The following MACF1 variants were observed in gnomAD, a reference collection of about 807,000 sequenced individuals.
MACF1 encodes the protein microtubule actin crosslinking factor 1, also known as microtubule-actin cross-linking factor 1.
Under a neutral mutation model 854.8 loss-of-function variants are expected in MACF1, and 193 were observed. The ratio of observed to expected loss-of-function variants is 0.23; its 90% CI spans 0.20 to 0.25. MACF1 has a LOEUF of 0.25. MACF1 is among the 10% of genes least tolerant of loss of function. The probability of loss-of-function intolerance (pLI) is 1.00; values close to 1 mark genes in which losing one functional copy is unlikely to be tolerated. For missense variants in MACF1, 7,722 were observed against 8,929.1 expected (o/e 0.86, Z 5.45); for synonymous variants, 3,185 against 3,226.7 (o/e 0.99, Z 0.44).
intron 56 of MACF1, among the ~76,000 whole-genome samples, chr1:39,385,188 C>T (rs1225918327): frequency 6.6e-6 from 1 of 152,152 alleles, no homozygotes; most frequent in Non-Finnish European, 1.5e-5. Flanking sequence ...GTGCCTCAGC[C>T]TCCCGAGTAG....
rs813653 is a variant in MACF1, at chr1:39,460,924, A to T, written c.21523+130A>T. ...CTTGGCTCACACCTGTAATTCCAGC[A>T]CTTTGGGAGGCAGGTGGCAAAGGCA... On this transcript the variant is annotated intron_variant, in intron 92 of 100. Transcript: ENST00000564288. The surrounding 1 kb of genome is among the most constrained non-coding windows in gnomAD (Gnocchi z 4.1). 1 of 1,042,004 alleles carries T rather than the reference A, an allele frequency of 9.6e-7. No homozygotes were observed. The highest frequency in any genetic ancestry group is 1.4e-6 in the Non-Finnish European group (1 of 703,362). 64.5% of individuals were successfully genotyped at this position (1,042,004 alleles called of 1,614,324 possible).
At chr1:39,453,021 A>C (rs1644367421) in intron 87 of MACF1, among the ~76,000 whole-genome samples, 1 of 152,240 alleles carries the variant, frequency 6.6e-6, no homozygotes. Flanking sequence ...ATTCATTCTT[A>C]TAAAAGTAAT....
intron 58 of MACF1, among the ~76,000 whole-genome samples, chr1:39,400,101 T>C (rs1392610467): frequency 1.3e-5 from 2 of 152,226 alleles, no homozygotes; most frequent in African/African-American, 2.4e-5. Context: ...TTTTTCAGTA[T>C]AAGAGGGCAA....
rs147093156 is a variant in MACF1 at position 39,450,819 on chromosome 1, G to A, written c.20259-233G>A. 5.0e-3 allele frequency among the ~76,000 whole-genome samples: 761 copies of A among 151,912 alleles called. 9 individuals are homozygous for A. Among genetic ancestry groups the A allele is most frequent in the African/African-American group, 0.017 (715 of 41,414 alleles). ...GTAGAGACAGGGTTTCACCGTGTTAGCCAGGATGGTCTCGATCTCCTGACC... is the reference window on the plus strand; with the variant it reads ...GTAGAGACAGGGTTTCACCGTGTTAACCAGGATGGTCTCGATCTCCTGACC... On this transcript the variant is annotated intron_variant, in intron 84 of 100. Coordinates refer to ENST00000564288, the MANE Select transcript of MACF1 (RefSeq NM_001394062.1).
Position 39,285,196 on chromosome 1 carries a change from G to C in MACF1, c.1245G>C (p.Arg415=). Reference sequence around the variant, plus strand: ...TGCTGGAACGAGAGAAATCACTTCGGCCGGCTGTGGAGAGGTGGGTCCAGA... The same window carrying C: ...TGCTGGAACGAGAGAAATCACTTCGCCCGGCTGTGGAGAGGTGGGTCCAGA... ...IEMLEREKSL[R]PAVERLELLL... is the part of the protein sequence containing the mutation. Residue 415 remains arginine, a synonymous_variant, in exon 12 of 101, where the codon CGG becomes CGC. Coordinates refer to ENST00000564288, the MANE Select transcript of MACF1 (RefSeq NM_001394062.1). 1 of 1,614,192 alleles carries C rather than the reference G, an allele frequency of 6.2e-7. No homozygotes were observed. Among genetic ancestry groups the C allele is most frequent in the East Asian group, 2.2e-5 (1 of 44,882 alleles).
At chr1:39,346,783 T>A (rs1252924897) in intron 40 of MACF1, among the ~76,000 whole-genome samples, 194 bp from the exon 41 acceptor site, 1 of 152,166 alleles carries the variant, frequency 6.6e-6, no homozygotes, top group Non-Finnish European at 1.5e-5. Flanking sequence ...CCTCCCAAAG[T>A]GCTGGGATTA....
chr1:39,437,707 TATTCCCTA>T, intron 70 of MACF1, 62 bp from the exon 71 acceptor site: 1 of 1,169,872 alleles, frequency 8.5e-7, no homozygotes, highest in Non-Finnish European at 1.3e-6. Flanking sequence ...ATCTTGTCCT[TATTCCCTA>T]ACACTTCTCC....
At chr1:39,420,864 A>T (rs930663799) in intron 58 of MACF1, among the ~76,000 whole-genome samples, 28 of 133,270 alleles carry the variant, frequency 2.1e-4, no homozygotes, top group Non-Finnish European at 3.5e-4. Flanking sequence ...GAGAAACCCA[A>T]TTTTTTTTTT....
At chr1:39,455,600 A>G (rs746330051) in intron 89 of MACF1, among the ~76,000 whole-genome samples, 1 of 152,150 alleles carries the variant, frequency 6.6e-6, no homozygotes, top group Non-Finnish European at 1.5e-5. Flanking sequence ...GCCCACACTC[A>G]AGGGAGGGGG....
intron 58 of MACF1, among the ~76,000 whole-genome samples, chr1:39,392,621 G>A (rs934276729): frequency 2.0e-5 from 3 of 152,108 alleles, no homozygotes; most frequent in African/African-American, 7.2e-5. Context: ...AACTCCATGG[G>A]AGCTAGAATA....
intron 38 of MACF1, 39 bp from the exon 39 acceptor site, chr1:39,340,463 A>T: frequency 1.4e-6 from 2 of 1,448,976 alleles, no homozygotes; most frequent in Non-Finnish European, 1.9e-6. Context: ...GAGGGTTTCT[A>T]GTCTTGCTTT....
In MACF1 at chr1:39,291,910, A is replaced by T. The variant is rs1287387008; in HGVS notation, c.1786A>T (p.Met596Leu). The T allele has an allele frequency of 9.9e-6, 16 of 1,610,420 alleles. No homozygotes were observed. The highest frequency in any genetic ancestry group is 1.3e-5 in the Non-Finnish European group (15 of 1,179,162). ...ELLSWVEEMQ[M>L]KLERAEWGND... ...CATATATATATTTTTTCTTTTTCAGATGAAACTGGAGCGAGCAGAGTGGGG... is the reference window on the plus strand; with the variant it reads ...CATATATATATTTTTTCTTTTTCAGTTGAAACTGGAGCGAGCAGAGTGGGG... Residue 596 changes from methionine to leucine, a missense_variant and splice_region_variant, in exon 16 of 101, where the codon ATG (methionine) becomes TTG (leucine). By Grantham distance (15) the Met-to-Leu change is conservative. Around this residue, in one of 15 missense-constraint regions of MACF1, gnomAD observed 1,137 missense variants for 1,263.0 expected, o/e 0.90. Coordinates refer to ENST00000564288, the MANE Select transcript of MACF1 (RefSeq NM_001394062.1).
Position 39,439,479 on chromosome 1 carries a change from A to T in MACF1, c.18426A>T (p.Lys6142Asn), listed in dbSNP as rs1360634251. The T allele has an allele frequency of 6.2e-7, 1 of 1,614,096 alleles. No individual in the cohort carries two copies. The highest frequency in any genetic ancestry group is 8.5e-7 in the Non-Finnish European group (1 of 1,179,918). Residue 6142 changes from lysine (K) to asparagine (N), a missense_variant, in exon 72 of 101, where the codon AAA becomes AAT. Transcript: ENST00000564288. ...CAGGCATTGATCCTTCCATCATCAA[A>T]CAACAGGTTGAAGCTGCTGAGGTAA... ...ESPGIDPSIIKQQVEAAETIK... is the reference protein window; with the variant it reads ...ESPGIDPSIINQQVEAAETIK...
intron 15 of MACF1, among the ~76,000 whole-genome samples, chr1:39,287,866 A>G (rs999852068): frequency 1.3e-5 from 2 of 152,090 alleles, no homozygotes; most frequent in Non-Finnish European, 2.9e-5. Context: ...TAAATCTTGC[A>G]TGGATGAGGT....
intron 6 of MACF1, among the ~76,000 whole-genome samples, chr1:39,263,836 C>G (rs1235618246): frequency 7.4e-6 from 1 of 135,120 alleles, no homozygotes; most frequent in Non-Finnish European, 1.5e-5. Flanking sequence ...TGCAGTGGCG[C>G]GATTTCAGCT....
At chr1:39,241,312 G>A (rs181379530) in intron 2 of MACF1, among the ~76,000 whole-genome samples, 8 of 152,090 alleles carry the variant, frequency 5.3e-5, no homozygotes, top group Admixed American at 2.0e-4. Flanking sequence ...GGCTGCTTAC[G>A]TTTCCTTTTA....
chr1:39,453,495 C>T (rs1644378047), intron 87 of MACF1, among the ~76,000 whole-genome samples: 1 of 152,198 alleles, frequency 6.6e-6, no homozygotes, highest in Non-Finnish European at 1.5e-5. Flanking sequence ...TTGTTGTCAT[C>T]TCCACCAGAG....
In MACF1 at chr1:39,285,778, A is replaced by G; in HGVS notation, c.1508+20A>G. 2 of 1,611,550 alleles carry G rather than the reference A, an allele frequency of 1.2e-6. No homozygotes were observed. Among genetic ancestry groups the G allele is most frequent in the Non-Finnish European group, 1.7e-6 (2 of 1,178,160 alleles). ...TTTTAGGTGAGGAACAAGGGACTCAAATGGAGGGCTTGCTTGCTTACTGCT... is the reference window on the plus strand; with the variant it reads ...TTTTAGGTGAGGAACAAGGGACTCAGATGGAGGGCTTGCTTGCTTACTGCT... On this transcript the variant is annotated intron_variant, in intron 14 of 100. Transcript: ENST00000564288.
chr1:39,403,197 C>A (rs1218330207), intron 58 of MACF1, among the ~76,000 whole-genome samples: 1 of 152,112 alleles, frequency 6.6e-6, no homozygotes, highest in Non-Finnish European at 1.5e-5. Flanking sequence ...CTCCCAAGTT[C>A]AAGTGGTTCT....
Sources: gnomAD v4.1 joint callset for allele counts (sites outside exome capture counted in the v4.1 genomes callset) on GRCh38, gnomAD v4.1.1 for gene constraint, gnomAD v4.1.1 regional missense constraint, Gnocchi (gnomAD v3.1) non-coding constraint, MANE v1.5 for transcripts, NCBI Gene and HGNC (gene_info 2026-07-23, HGNC 2026-07-21) for gene names.